LRP1B: variants seen among roughly 807,000 people sequenced by gnomAD.
LRP1B encodes the protein low-density lipoprotein receptor-related protein 1B.
A neutral mutation model predicts 556.6 loss-of-function variants in LRP1B; 217 were observed. The ratio of observed to expected loss-of-function variants is 0.39; its 90% CI spans 0.35 to 0.44. The LOEUF is 0.44. Among genes scored for constraint, LRP1B ranks in the 20% least tolerant of loss-of-function variants. The probability of loss-of-function intolerance (pLI) is 1.00; values close to 1 mark genes in which losing one functional copy is unlikely to be tolerated. For synonymous variants in LRP1B, 2,047 were observed against 1,865.8 expected, an observed-to-expected ratio of 1.10 and a Z score of -2.50; for missense variants, 5,053 against 5,620.8, an observed-to-expected ratio of 0.90 and a Z score of 3.23.
At chr2:141,471,286 T>TGTTTTTGTTTTG (rs1682462542) in intron 3 of LRP1B, among the ~76,000 whole-genome samples, 1 of 151,300 alleles carries the variant, frequency 6.6e-6, no homozygotes, top group Non-Finnish European at 1.5e-5. Flanking sequence ...TTTTTTTTTT[T>TGTTTTTGTTTTG]TTTTTTTTAC....
chr2:142,045,096 G>A (rs1704207040), intron 1 of LRP1B, among the ~76,000 whole-genome samples: 1 of 149,762 alleles, frequency 6.7e-6, no homozygotes, highest in Admixed American at 6.7e-5. Flanking sequence ...CTGACCTTCT[G>A]TAAATGCAAA....
chr2:140,241,748 AAC>A (rs1036064161), intron 87 of LRP1B, among the ~76,000 whole-genome samples: 63 of 150,828 alleles, frequency 4.2e-4, no homozygotes, highest in African/African-American at 1.5e-3. Flanking sequence ...TATTGCTGGA[AAC>A]ACAGGTATTT....
chr2:141,481,977 C>G (rs1682934511), intron 2 of LRP1B, among the ~76,000 whole-genome samples: 1 of 152,072 alleles, frequency 6.6e-6, no homozygotes, highest in Non-Finnish European at 1.5e-5. Flanking sequence ...AACCCCTTTC[C>G]TCCTCCTGAA....
intron 3 of LRP1B, among the ~76,000 whole-genome samples, chr2:141,338,526 A>G (rs550444236): frequency 1.3e-5 from 2 of 152,166 alleles, no homozygotes; most frequent in South Asian, 4.1e-4. Context: ...CCACTTGAAT[A>G]CATCTACTCC....
Position 141,319,299 on chromosome 2 carries a change from G to GTTTTTTTTTT in LRP1B, c.344-64659_344-64658insAAAAAAAAAA, listed in dbSNP as rs201761576. 1.2e-3 allele frequency among the ~76,000 whole-genome samples: 94 copies of GTTTTTTTTTT among 80,406 alleles called. 10 individuals carry two copies. Among genetic ancestry groups the GTTTTTTTTTT allele is most frequent in the African/African-American group, 3.3e-3 (65 of 19,620 alleles). The allele number at this position is 80,406 out of a possible 152,430, so 52.7% of individuals were successfully genotyped here. The stretch of plus-strand genomic sequence containing the variant: ...CATAATGTAGTCTCTAAAAAGCAGT[G>GTTTTTTTTTT]TTTTTTTGTTGTTTTTTTTTTTTTT... On this transcript the variant is annotated intron_variant, in intron 3 of 90. Transcript: ENST00000389484.
intron 7 of LRP1B, among the ~76,000 whole-genome samples, chr2:141,106,672 C>T (rs1700610181): frequency 6.6e-6 from 1 of 152,116 alleles, no homozygotes; most frequent in African/African-American, 2.4e-5. Flanking sequence ...TACTCATAAG[C>T]TCTGACTTTA....
intron 1 of LRP1B, among the ~76,000 whole-genome samples, chr2:141,813,212 A>C (rs745550460): frequency 1.3e-5 from 2 of 152,176 alleles, no homozygotes; most frequent in Admixed American, 6.6e-5. Flanking sequence ...CTTACATTAT[A>C]ATGGGAGGAT....
intron 12 of LRP1B, among the ~76,000 whole-genome samples, chr2:141,017,168 A>T (rs1199467737): frequency 6.6e-6 from 1 of 150,820 alleles, no homozygotes; most frequent in Non-Finnish European, 1.5e-5. Context: ...TTTAATTGGG[A>T]CAACTTAGTA....
intron 29 of LRP1B, among the ~76,000 whole-genome samples, chr2:140,843,079 TTGTTTGTTTTTTTTTTTTTTG>T (rs1559151590): frequency 1.2e-3 from 25 of 20,048 alleles, no homozygotes; most frequent in East Asian, 7.9e-3. Flanking sequence ...TTTTTTTTTT[TTGTTTGTTTTTTTTTTTTTTG>T]TTTTTTTTTT....
chr2:142,061,961 T>G (rs1704935459), intron 1 of LRP1B, among the ~76,000 whole-genome samples: 1 of 151,896 alleles, frequency 6.6e-6, no homozygotes, highest in African/African-American at 2.4e-5. Context: ...TGACTGTCAA[T>G]GAGGAATCCT....
chr2:142,009,232 T>C (rs576617572), intron 1 of LRP1B, among the ~76,000 whole-genome samples: 1 of 152,206 alleles, frequency 6.6e-6, no homozygotes, highest in Non-Finnish European at 1.5e-5. Context: ...GAAGTTATCA[T>C]AATGGCAGAA....
intron 2 of LRP1B, among the ~76,000 whole-genome samples, chr2:141,690,725 G>A (rs1243699331): frequency 6.6e-6 from 1 of 151,098 alleles, no homozygotes; most frequent in Non-Finnish European, 1.5e-5. Flanking sequence ...GTCAAATTGT[G>A]ATATAAAATA....
At chr2:140,880,751 T>C (rs1693447948) in intron 25 of LRP1B, among the ~76,000 whole-genome samples, 1 of 152,176 alleles carries the variant, frequency 6.6e-6, no homozygotes, top group South Asian at 2.1e-4. Context: ...TTTCTTTTCA[T>C]TTGTTATTGT....
At chr2:140,965,441 A>G (rs1195692234) in intron 18 of LRP1B, among the ~76,000 whole-genome samples, 1 of 152,172 alleles carries the variant, frequency 6.6e-6, no homozygotes, top group Non-Finnish European at 1.5e-5. Flanking sequence ...AAGAAAGTCA[A>G]AGTCAGCGGA....
chr2:140,916,497 CAT>C (rs1423317974), intron 21 of LRP1B, among the ~76,000 whole-genome samples: 1 of 152,198 alleles, frequency 6.6e-6, no homozygotes, highest in East Asian at 1.9e-4. Flanking sequence ...GTTAAATCCA[CAT>C]GTGTGCCAGT....
chr2:141,991,243 C>T (rs17771092), intron 1 of LRP1B, among the ~76,000 whole-genome samples: 9,880 of 152,020 alleles, frequency 0.065, 430 homozygotes, highest in South Asian at 0.13. Flanking sequence ...TCCTAAGCAA[C>T]CATCATTCTT....
chr2:140,719,054 T>C (rs1402183079), intron 35 of LRP1B, among the ~76,000 whole-genome samples: 1 of 152,134 alleles, frequency 6.6e-6, no homozygotes, highest in Non-Finnish European at 1.5e-5. Context: ...GTTGGTTTGT[T>C]TGTTGAGTGT....
intron 7 of LRP1B, among the ~76,000 whole-genome samples, chr2:141,144,594 T>A (rs1207050228): frequency 1.3e-5 from 2 of 152,194 alleles, no homozygotes; most frequent in Non-Finnish European, 2.9e-5. Context: ...AGCTGGTCAC[T>A]TTATAACCAT....
intron 1 of LRP1B, among the ~76,000 whole-genome samples, chr2:141,858,079 A>G (rs947748339): frequency 6.6e-6 from 1 of 151,938 alleles, no homozygotes; most frequent in African/African-American, 2.4e-5. Context: ...AAACCCTCCA[A>G]TTTTTGCTGT....
Sources: allele counts gnomAD v4.1 joint callset (sites outside exome capture counted in the v4.1 genomes callset), GRCh38; gene constraint gnomAD v4.1.1; transcripts MANE v1.5; gene names NCBI Gene and HGNC (gene_info 2026-07-23, HGNC 2026-07-21).